SPTBN4: variants seen among roughly 807,000 people sequenced by gnomAD.
SPTBN4 encodes spectrin beta chain, non-erythrocytic 4.
In SPTBN4, 96 loss-of-function variants were observed where a neutral mutation model predicts 277.8. The ratio of observed to expected loss-of-function variants is 0.35; its 90% CI spans 0.29 to 0.41. The LOEUF (loss-of-function observed/expected upper bound fraction) is 0.41. Ranked by LOEUF, SPTBN4 falls within the 10% of genes least tolerant of loss-of-function variation. SPTBN4 has a pLI of 1.00. For missense variants in SPTBN4, 3,006 were observed against 3,595.7 expected (o/e 0.84, Z 4.19); for synonymous variants, 1,481 against 1,580.3 (o/e 0.94, Z 1.49).
intron 12 of SPTBN4, 108 bp downstream of exon 12, chr19:40,504,240 TAGA>T (rs1382722438): frequency 1.7e-6 from 2 of 1,147,556 alleles, no homozygotes; most frequent in Non-Finnish European, 2.4e-6. Flanking sequence ...AGGGCAGAGA[TAGA>T]AGAAGATAGA....
chr19:40,553,612 G>T (rs745319001), intron 22 of SPTBN4, among the ~76,000 whole-genome samples: 1 of 152,112 alleles, frequency 6.6e-6, no homozygotes, highest in African/African-American at 2.4e-5. Context: ...TAAGGTTAAG[G>T]CACACAAAAC....
At chr19:40,567,553 C>T (rs1165905797) in intron 30 of SPTBN4, 110 bp from the exon 31 acceptor site, 2 of 1,136,966 alleles carry the variant, frequency 1.8e-6, no homozygotes, top group Non-Finnish European at 2.4e-6. Context: ...TTTCAAGGAA[C>T]TGGTCAATTG....
chr19:40,573,982 G>T (rs563383531), intron 35 of SPTBN4, among the ~76,000 whole-genome samples: 7 of 149,466 alleles, frequency 4.7e-5, no homozygotes, highest in African/African-American at 1.7e-4. Flanking sequence ...GGCGCCTGTA[G>T]TCCCAGCTAC....
In SPTBN4 at chr19:40,569,744, TG is replaced by T. The variant is rs1177552773; in HGVS notation, c.7026+21del. ...CTGCTGGGGTAAGTTGAGCCTCGGA[TG>T]GGTGGGGATAGGAGGACCCCTTTTT... On this transcript the variant is annotated intron_variant, in intron 32 of 35. Coordinates refer to ENST00000598249, the MANE Select transcript of SPTBN4 (RefSeq NM_020971.3). The T allele has an allele frequency of 8.7e-6, 14 of 1,604,856 alleles. No homozygotes were observed. Among genetic ancestry groups the T allele is most frequent in the Non-Finnish European group, 1.2e-5 (14 of 1,176,932 alleles).
In SPTBN4 at chr19:40,520,116, G is replaced by T. The variant is rs1441254595; in HGVS notation, c.3619G>T (p.Asp1207Tyr). 1 of 1,465,002 alleles carries T rather than the reference G, an allele frequency of 6.8e-7. No homozygotes were observed. The highest frequency in any genetic ancestry group is 1.4e-5 in the South Asian group (1 of 69,210). The allele number at this position is 1,465,002 out of a possible 1,614,324, so 90.8% of individuals were successfully genotyped here. ...QAHIYQLFLR[D>Y]LRQALVVLRN... ...GCACATCTACCAGCTCTTCCTGCGG[G>T]ATCTACGCCAGGCGCTCGTGGTGCT... Residue 1207 changes from aspartate to tyrosine, a missense_variant, in exon 16 of 36, where the codon GAT (aspartate) becomes TAT (tyrosine). By Grantham distance (160) the Asp-to-Tyr change is radical (BLOSUM62 -3). Transcript: ENST00000598249.
Position 40,554,347 on chromosome 19 carries a change from G to T in SPTBN4, c.4875G>T (p.Gln1625His), listed in dbSNP as rs985625885. 23 of 1,576,258 alleles carry T rather than the reference G, an allele frequency of 1.5e-5. No individual in the cohort carries two copies. The highest frequency in any genetic ancestry group is 1.9e-5 in the Non-Finnish European group (22 of 1,167,372). ...TGGACGCCGCCTTCCAGGTGGAGCAGTACTACTTCGACGTGGCTGAGGTGG... is the reference window on the plus strand; with the variant it reads ...TGGACGCCGCCTTCCAGGTGGAGCATTACTACTTCGACGTGGCTGAGGTGG... ...QVLDAAFQVE[Q>H]YYFDVAEVEA... The change falls in exon 23 of 36, where the codon CAG becomes CAT. Residue 1625 changes from glutamine to histidine, a missense_variant. Transcript: ENST00000598249. This position sits in a 1 kb window ranked among gnomAD's most constrained non-coding sequence, Gnocchi z 5.7.
chr19:40,569,935 T>TA lies in SPTBN4; in HGVS notation c.7026+209_7026+210insA, dbSNP rs1568381947. 4.7e-3 allele frequency among the ~76,000 whole-genome samples: 226 copies of TA among 48,132 alleles called. 3 individuals carry two copies. Among genetic ancestry groups the TA allele is most frequent in the African/African-American group, 0.02 (203 of 9,936 alleles). 31.6% of individuals were successfully genotyped at this position (48,132 alleles called of 152,430 possible). ...CTACCTAAGAGACCCCTACTGCCCC[T>TA]CCACACACACACACACACACACACA... On this transcript the variant is annotated intron_variant, in intron 32 of 35. Transcript: ENST00000598249.
intron 2 of SPTBN4, among the ~76,000 whole-genome samples, chr19:40,486,721 G>C (rs964917993): frequency 6.6e-6 from 1 of 151,970 alleles, no homozygotes; most frequent in Non-Finnish European, 1.5e-5. Context: ...TTAAGGCCGG[G>C]CGCAATGGCT....
intron 22 of SPTBN4, among the ~76,000 whole-genome samples, chr19:40,550,801 G>C (rs1322758150): frequency 2.0e-5 from 3 of 152,104 alleles, no homozygotes; most frequent in African/African-American, 4.8e-5. Context: ...TTACAGGTGT[G>C]AGCCACCGCG....
chr19:40,551,229 C>T (rs559733442), intron 22 of SPTBN4, among the ~76,000 whole-genome samples: 1 of 152,258 alleles, frequency 6.6e-6, no homozygotes, highest in South Asian at 2.1e-4. Context: ...AACAAAATCA[C>T]AAAACATCGA....
At chr19:40,475,919 GCC>G (rs1325743282) in intron 2 of SPTBN4, among the ~76,000 whole-genome samples, 1 of 152,000 alleles carries the variant, frequency 6.6e-6, no homozygotes, top group Non-Finnish European at 1.5e-5. Flanking sequence ...GGTGGCGCAT[GCC>G]TGTAGTTCCA....
rs1300993868 is a variant in SPTBN4 at position 40,549,425 on chromosome 19, G to A, written c.4584+12G>A. 1.4e-6 allele frequency: 2 copies of A among 1,397,956 alleles called. No individual in the cohort carries two copies. Among genetic ancestry groups the A allele is most frequent in the East Asian group, 2.8e-5 (1 of 35,102 alleles). The allele number at this position is 1,397,956 out of a possible 1,614,324, so 86.6% of individuals were successfully genotyped here. A position where few individuals can be genotyped will look rare whatever the true frequency, so the allele number is the denominator to read the frequency against. On this transcript the variant is annotated intron_variant, in intron 21 of 35. Transcript: ENST00000598249. ...TGGACGACGAGCTGGTGAGGCCAGCGCAGGGGCCTGGGGCGGGGCGGGGCG... is the reference window on the plus strand; with the variant it reads ...TGGACGACGAGCTGGTGAGGCCAGCACAGGGGCCTGGGGCGGGGCGGGGCG...
chr19:40,520,436 G>A (rs924167697), intron 16 of SPTBN4, among the ~76,000 whole-genome samples: 2 of 152,220 alleles, frequency 1.3e-5, no homozygotes, highest in African/African-American at 4.8e-5. Context: ...AGTAATGCAC[G>A]AGGATATTTA....
chr19:40,529,048 G>C lies in SPTBN4; in HGVS notation c.3865G>C (p.Glu1289Gln). Residue 1289 changes from glutamate (E) to glutamine (Q), a missense_variant, in exon 18 of 36, where the codon GAA (glutamate) becomes CAA (glutamine). Physicochemically the swap from Glu to Gln is conservative, Grantham distance 29. Around this residue, in one of 5 missense-constraint regions of SPTBN4, gnomAD observed 1,759 missense variants for 2,061.5 expected, o/e 0.85. Transcript: ENST00000598249. Reference sequence around the variant, plus strand: ...TTATCTCCCCATCCCCAGGAACCAAGAAAACCAGTTACGGGCCCAGCAATG... The same window carrying C: ...TTATCTCCCCATCCCCAGGAACCAACAAAACCAGTTACGGGCCCAGCAATG... ...AVTRLLEKNQ[E>Q]NQLRAQQWMQ... 1 of 1,613,994 alleles carries C rather than the reference G, an allele frequency of 6.2e-7. No individual in the cohort carries two copies. The highest frequency in any genetic ancestry group is 8.5e-7 in the Non-Finnish European group (1 of 1,179,948).
At position 40,566,973 on chromosome 19, in the gene SPTBN4, TA is replaced by T. The variant is rs113655225; in HGVS notation, c.6336+624del. The T allele has an allele frequency of 9.3e-3, 2,056 of 222,268 alleles. 37 individuals carry two copies. Among genetic ancestry groups the T allele is most frequent in the African/African-American group, 0.051 (1,712 of 33,402 alleles). 13.8% of individuals were successfully genotyped at this position (222,268 alleles called of 1,614,324 possible). A position where few individuals can be genotyped will look rare whatever the true frequency, so the allele number is the denominator to read the frequency against. On this transcript the variant is annotated intron_variant, in intron 30 of 35. Transcript: ENST00000598249. Reference sequence around the variant, plus strand: ...CTCCATCTCAAAACAACAACAACAATAAAAAAAAAACAACAAAAAAAAACCG... The same window carrying T: ...CTCCATCTCAAAACAACAACAACAATAAAAAAAAACAACAAAAAAAAACCG...
chr19:40,468,021 C>T (rs1209166512), intron 1 of SPTBN4, among the ~76,000 whole-genome samples: 1 of 151,946 alleles, frequency 6.6e-6, no homozygotes, highest in Non-Finnish European at 1.5e-5. Flanking sequence ...ATACCATGAT[C>T]CCTGCATTAA....
In SPTBN4 at chr19:40,507,047, A is replaced by G. The variant is rs192192833; in HGVS notation, c.1816+661A>G. ...AATCAGGGCCTATTTAACACAAGTG[A>G]TAGAAACTCAGTTCAAATGGCTTAA... On this transcript the variant is annotated intron_variant, in intron 13 of 35. Coordinates refer to ENST00000598249, the MANE Select transcript of SPTBN4 (RefSeq NM_020971.3). Among the ~76,000 whole-genome samples the G allele has an allele frequency of 3.0e-3, 457 of 152,276 alleles. 1 individual carries two copies. The highest frequency in any genetic ancestry group is 4.3e-3 in the Admixed American group (66 of 15,286).
At chr19:40,558,666 GGCGC>G (rs1421957042) in intron 26 of SPTBN4, among the ~76,000 whole-genome samples, 16 of 151,706 alleles carry the variant, frequency 1.1e-4, no homozygotes, top group East Asian at 5.9e-4. Context: ...GGAGTGCAGT[GGCGC>G]GATCTCAGCT....
chr19:40,528,004 C>T (rs1022182350), intron 17 of SPTBN4, among the ~76,000 whole-genome samples: 12 of 145,190 alleles, frequency 8.3e-5, no homozygotes, highest in Admixed American at 7.2e-5. Flanking sequence ...TGTAGTGAGC[C>T]GAGATCACGC....
Sources: allele counts gnomAD v4.1 joint callset (sites outside exome capture counted in the v4.1 genomes callset), GRCh38; gene constraint gnomAD v4.1.1; regional missense constraint gnomAD v4.1.1; non-coding constraint Gnocchi (gnomAD v3.1); transcripts MANE v1.5; gene names NCBI Gene and HGNC (gene_info 2026-07-23, HGNC 2026-07-21).